The following WDPCP variants were observed in gnomAD, a reference collection of about 807,000 sequenced individuals.
The protein encoded by WDPCP is WD repeat containing planar cell polarity effector, also known as WD repeat-containing and planar cell polarity effector protein fritz homolog.
In WDPCP, 71 loss-of-function variants were observed where a neutral mutation model predicts 93.1. That is an observed-to-expected ratio of 0.76 (90% CI 0.63 to 0.93). The LOEUF is 0.93. WDPCP is among the 40% of genes least tolerant of loss of function. WDPCP has a pLI of 0.00. For missense variants in WDPCP, 844 were observed against 887.4 expected (o/e 0.95, Z 0.62); for synonymous variants, 315 against 315.0 (o/e 1.00, Z 0.00).
At chr2:63,477,111 T>C (rs940085734) in intron 6 of WDPCP, among the ~76,000 whole-genome samples, 7 of 152,190 alleles carry the variant, frequency 4.6e-5, no homozygotes, top group Non-Finnish European at 1.0e-4. Flanking sequence ...CTATACTTAA[T>C]GATAATACTG....
rs144384851 is a variant in WDPCP, at chr2:63,683,084, A to G, written n.309-32246T>C. On this transcript the variant is annotated intron_variant and non_coding_transcript_variant, in intron 2 of 4. Coordinates refer to the WDPCP transcript ENST00000467687. ...CCTCATGGTAACCTCAAAAAAATAT[A>G]CAACTGATACTCAAGAAATAAAAAG... Among the ~76,000 whole-genome samples the G allele has an allele frequency of 1.8e-3, 267 of 152,322 alleles. 2 individuals are homozygous for G. Among genetic ancestry groups the G allele is most frequent in the African/African-American group, 6.0e-3 (250 of 41,580 alleles).
chr2:63,223,589 C>T (rs542663617), intron 14 of WDPCP, among the ~76,000 whole-genome samples: 2 of 152,216 alleles, frequency 1.3e-5, no homozygotes, highest in East Asian at 1.9e-4. Flanking sequence ...ATAAGACTCA[C>T]TACAATTGTG....
At chr2:63,664,289 G>A (rs1285847840) in intron 2 of WDPCP, among the ~76,000 whole-genome samples, 1 of 152,200 alleles carries the variant, frequency 6.6e-6, no homozygotes. Context: ...GTGGCTGGAA[G>A]AATGTCCAGG....
intron 10 of WDPCP, among the ~76,000 whole-genome samples, chr2:63,385,895 T>C (rs1023646175): frequency 6.6e-6 from 1 of 152,120 alleles, no homozygotes; most frequent in African/African-American, 2.4e-5. Flanking sequence ...CAAGTCAGAA[T>C]GGTACTTGCT....
intron 13 of WDPCP, among the ~76,000 whole-genome samples, chr2:63,269,264 T>A (rs1682425450): frequency 6.6e-6 from 1 of 152,218 alleles, no homozygotes; most frequent in Non-Finnish European, 1.5e-5. Flanking sequence ...TACCACTTAG[T>A]TTCTGTCATT....
chr2:63,503,897 G>A (rs1335274756), intron 1 of WDPCP, among the ~76,000 whole-genome samples: 3 of 128,682 alleles, frequency 2.3e-5, no homozygotes, highest in Non-Finnish European at 4.9e-5. Flanking sequence ...GCTATGAAGT[G>A]AGCTCAAATG....
rs1045505607 is a variant in WDPCP, at chr2:63,622,884, TG to T, written n.488+27774del. On this transcript the variant is annotated intron_variant and non_coding_transcript_variant, in intron 3 of 4. Coordinates refer to the WDPCP transcript ENST00000467687. Reference sequence around the variant, plus strand: ...CGCGCAGCATCAGGGGTGCGGAGCCTGGGAGGCACGCGGGGGCCGGGCCAGG... The same window carrying T: ...CGCGCAGCATCAGGGGTGCGGAGCCTGGAGGCACGCGGGGGCCGGGCCAGG... The T allele has an allele frequency of 2.2e-5, 33 of 1,490,412 alleles. No homozygotes were observed. In the African/African-American group the frequency reaches 4.4e-4, roughly 20 times the overall value. 92.3% of individuals were successfully genotyped at this position (1,490,412 alleles called of 1,614,324 possible). A position where few individuals can be genotyped will look rare whatever the true frequency, so the allele number is the denominator to read the frequency against.
At chr2:63,791,567 T>C (rs1670546696) in intron 2 of WDPCP, among the ~76,000 whole-genome samples, 1 of 152,146 alleles carries the variant, frequency 6.6e-6, no homozygotes, top group African/African-American at 2.4e-5. Flanking sequence ...AGAGCACTGC[T>C]TACTGCTTGA....
intron 2 of WDPCP, among the ~76,000 whole-genome samples, chr2:63,777,289 C>G (rs1670318802): frequency 6.6e-6 from 1 of 152,088 alleles, no homozygotes; most frequent in Admixed American, 6.6e-5. Flanking sequence ...ACTAGAAAGT[C>G]TAAAATTCAA....
At chr2:63,308,255 G>A (rs1685899906) in intron 13 of WDPCP, among the ~76,000 whole-genome samples, 1 of 152,198 alleles carries the variant, frequency 6.6e-6, no homozygotes, top group Admixed American at 6.5e-5. Context: ...AGATGCTGGA[G>A]AGGATGTGGA....
chr2:63,731,310 T>C (rs1430002279), intron 2 of WDPCP, among the ~76,000 whole-genome samples: 2 of 151,256 alleles, frequency 1.3e-5, no homozygotes, highest in Non-Finnish European at 2.9e-5. Flanking sequence ...GTTTATAAAC[T>C]GTTGGGGGTT....
At chr2:63,147,922 C>G (rs550483048) in intron 17 of WDPCP, among the ~76,000 whole-genome samples, 17 of 140,238 alleles carry the variant, frequency 1.2e-4, no homozygotes, top group Non-Finnish European at 2.1e-4. Flanking sequence ...GAGCCAAGAT[C>G]GTGCCACTGC....
At chr2:63,580,235 A>C (rs2106543269) in intron 1 of WDPCP, among the ~76,000 whole-genome samples, 1 of 152,348 alleles carries the variant, frequency 6.6e-6, no homozygotes, top group South Asian at 2.1e-4. Context: ...AAAAAATGAC[A>C]GACTTTGAAA....
intron 14 of WDPCP, among the ~76,000 whole-genome samples, chr2:63,193,304 A>G (rs1243166776): frequency 6.6e-6 from 1 of 152,214 alleles, no homozygotes; most frequent in African/African-American, 2.4e-5. Context: ...AGATAGTTAC[A>G]TATGAATGAA....
chr2:63,193,278 A>G (rs1042510043), intron 14 of WDPCP, among the ~76,000 whole-genome samples: 2 of 152,180 alleles, frequency 1.3e-5, no homozygotes, highest in Non-Finnish European at 2.9e-5. Flanking sequence ...TTTCCAAAAA[A>G]AGCTTTGTCT....
chr2:63,513,965 G>A (rs1036321154), intron 1 of WDPCP, among the ~76,000 whole-genome samples: 1 of 151,694 alleles, frequency 6.6e-6, no homozygotes, highest in Admixed American at 6.6e-5. Context: ...AGGAGTGTTG[G>A]CTATAACTCT....
chr2:63,172,523 A>G (rs948069166), intron 15 of WDPCP, among the ~76,000 whole-genome samples: 2 of 152,024 alleles, frequency 1.3e-5, no homozygotes, highest in Admixed American at 6.6e-5. Context: ...CCTCCAAAAA[A>G]TAATAATAAA....
In WDPCP at chr2:63,369,313, G is replaced by A. The variant is rs570147701; in HGVS notation, c.1748+9073C>T. 5.3e-5 allele frequency: 23 copies of A among 430,646 alleles called. 1 individual carries two copies. Among genetic ancestry groups the A allele is most frequent in the African/African-American group, 3.7e-4 (18 of 48,974 alleles). The allele number at this position is 430,646 out of a possible 1,614,324, so 26.7% of individuals were successfully genotyped here. On this transcript the variant is annotated intron_variant, in intron 12 of 17. Coordinates refer to ENST00000272321, the MANE Select transcript of WDPCP (RefSeq NM_015910.7). ...TCCTTGCCAAACTAAAGAGAGCCAA[G>A]CTTGCTGACAAGAAGCATGATGAGG...
intron 2 of WDPCP, among the ~76,000 whole-genome samples, chr2:63,777,408 T>A (rs1670320547): frequency 6.6e-6 from 1 of 152,138 alleles, no homozygotes; most frequent in African/African-American, 2.4e-5. Context: ...TGGCAGTTTC[T>A]TAAAAAGTTA....
Sources: gnomAD v4.1 joint callset for allele counts (sites outside exome capture counted in the v4.1 genomes callset) on GRCh38, gnomAD v4.1.1 for gene constraint, MANE v1.5 for transcripts, NCBI Gene and HGNC (gene_info 2026-07-23, HGNC 2026-07-21) for gene names.